The following DLG2 variants were observed in gnomAD, a reference collection of about 807,000 sequenced individuals.
The protein encoded by DLG2 is discs large MAGUK scaffold protein 2.
Under a neutral mutation model 132.5 loss-of-function variants are expected in DLG2, and 45 were observed. That is an observed-to-expected ratio of 0.34 (90% CI 0.27 to 0.44). DLG2 has a LOEUF of 0.44. DLG2 is among the 20% of genes least tolerant of loss of function. The pLI, the probability that DLG2 is intolerant of heterozygous loss-of-function variation, is 1.00. For synonymous variants in DLG2, 424 were observed against 419.6 expected (o/e 1.01, Z -0.13); for missense variants, 1,045 against 1,196.9 (o/e 0.87, Z 1.87).
chr11:85,497,024 C>T (rs998883343), intron 3 of DLG2, among the ~76,000 whole-genome samples: 20 of 151,944 alleles, frequency 1.3e-4, no homozygotes, highest in Admixed American at 1.2e-3. Flanking sequence ...CTCTTCTCCT[C>T]CAAAGGAAAA....
At chr11:85,418,779 G>A (rs1597151375) in intron 3 of DLG2, among the ~76,000 whole-genome samples, 1 of 151,992 alleles carries the variant, frequency 6.6e-6, no homozygotes, top group East Asian at 1.9e-4. Flanking sequence ...CTTTCCATTT[G>A]CCTAGTAAAT....
At chr11:83,560,129 T>C (rs1227180627) in intron 19 of DLG2, among the ~76,000 whole-genome samples, 5 of 151,914 alleles carry the variant, frequency 3.3e-5, no homozygotes, top group Non-Finnish European at 7.4e-5. Flanking sequence ...TTTTTTTTTT[T>C]TTCTTCTTGA....
At chr11:83,874,374 T>C in intron 16 of DLG2, 46 bp downstream of exon 16, 1 of 1,359,682 alleles carries the variant, frequency 7.4e-7, no homozygotes, top group South Asian at 1.6e-5. Context: ...GAAGACTTCA[T>C]ATTCCAAGGC....
chr11:83,598,829 C>G (rs142366117), intron 19 of DLG2, among the ~76,000 whole-genome samples: 1 of 152,302 alleles, frequency 6.6e-6, no homozygotes, highest in East Asian at 1.9e-4. Context: ...GACTATCATT[C>G]AACATGTCAT....
At chr11:84,502,933 G>A (rs1240766818) in intron 7 of DLG2, among the ~76,000 whole-genome samples, 9 of 152,188 alleles carry the variant, frequency 5.9e-5, no homozygotes, top group Admixed American at 5.9e-4. Flanking sequence ...ACATGGAGAA[G>A]AAGGTCAGGG....
chr11:84,134,807 T>C (rs1039688897), intron 9 of DLG2, among the ~76,000 whole-genome samples: 5 of 151,894 alleles, frequency 3.3e-5, no homozygotes, highest in Non-Finnish European at 5.9e-5. Context: ...TCCTGATACT[T>C]CTACAACGGA....
At chr11:84,391,991 C>A (rs369888367) in intron 7 of DLG2, among the ~76,000 whole-genome samples, 79 of 152,282 alleles carry the variant, frequency 5.2e-4, no homozygotes, top group African/African-American at 1.8e-3. Context: ...GTCATCCTCT[C>A]TGAATCTCAG....
intron 19 of DLG2, chr11:83,632,096 T>A (rs1290087899): frequency 6.6e-6 from 1 of 152,202 alleles, no homozygotes; most frequent in East Asian, 1.9e-4. Flanking sequence ...TTCCCTGGAA[T>A]AAGAAGGGAC....
At chr11:83,610,537 AC>A (rs1323067698) in intron 19 of DLG2, among the ~76,000 whole-genome samples, 1 of 116,618 alleles carries the variant, frequency 8.6e-6, no homozygotes, top group Non-Finnish European at 1.8e-5. Context: ...ATAGCAACCA[AC>A]TATCGAACAG....
chr11:85,225,349 C>T (rs984710057), intron 4 of DLG2, among the ~76,000 whole-genome samples: 2 of 152,066 alleles, frequency 1.3e-5, no homozygotes, highest in African/African-American at 4.8e-5. Flanking sequence ...CTCATCTCTC[C>T]GCAGATGACC....
rs2056988122 is a variant in DLG2 at position 83,839,232 on chromosome 11, C to T, written c.1566-5462G>A. Among the ~76,000 whole-genome samples, 3 of 152,082 alleles carry T rather than the reference C, an allele frequency of 2.0e-5. No individual in the cohort carries two copies. The South Asian group carries it at 6.2e-4, about 32-fold the overall frequency. ...TATATTATTTGGAATTTTTGAAACT[C>T]AGAAGATTTAAATGCCTTTTTTAAA... On this transcript the variant is annotated intron_variant, in intron 16 of 27. Coordinates refer to ENST00000376104, the MANE Select transcript of DLG2 (RefSeq NM_001142699.3).
At chr11:83,962,297 A>T (rs1247871328) in intron 14 of DLG2, among the ~76,000 whole-genome samples, 1 of 152,018 alleles carries the variant, frequency 6.6e-6, no homozygotes, top group Non-Finnish European at 1.5e-5. Context: ...CTGAAAATAC[A>T]TTTGTATATG....
chr11:84,963,197 T>C (rs1001262397), intron 6 of DLG2, among the ~76,000 whole-genome samples: 9 of 152,196 alleles, frequency 5.9e-5, no homozygotes, highest in African/African-American at 2.2e-4. Context: ...GCTGACATAA[T>C]GTACCGCTGA....
intron 6 of DLG2, among the ~76,000 whole-genome samples, chr11:84,989,127 C>G (rs1350012629): frequency 6.6e-6 from 1 of 152,114 alleles, no homozygotes; most frequent in African/African-American, 2.4e-5. Context: ...TATAACAAAA[C>G]ATATACAGGA....
intron 7 of DLG2, among the ~76,000 whole-genome samples, chr11:84,510,814 TTTTGTTTG>T (rs150351695): frequency 0.014 from 2,116 of 151,656 alleles, 61 homozygotes; most frequent in African/African-American, 0.048. Flanking sequence ...GATAACTGTT[TTTTGTTTG>T]TTTGTTTGTT....
At chr11:84,965,324 T>A (rs758489952) in intron 6 of DLG2, among the ~76,000 whole-genome samples, 10 of 152,016 alleles carry the variant, frequency 6.6e-5, no homozygotes, top group Admixed American at 5.3e-4. Context: ...AAAAAAATTA[T>A]GATATCAAAT....
intron 18 of DLG2, among the ~76,000 whole-genome samples, chr11:83,688,015 GAA>G (rs796734283): frequency 2.0e-5 from 2 of 98,192 alleles, no homozygotes; most frequent in Non-Finnish European, 4.4e-5. Context: ...TGTCTCAAAA[GAA>G]AAAAAAAAAA....
chr11:83,474,988 A>G (rs898696618), intron 22 of DLG2, among the ~76,000 whole-genome samples: 5 of 152,128 alleles, frequency 3.3e-5, no homozygotes, highest in African/African-American at 9.7e-5. Flanking sequence ...ATCTCTGTCT[A>G]TCCATCACTT....
intron 6 of DLG2, among the ~76,000 whole-genome samples, chr11:84,841,418 A>G (rs2080672206): frequency 6.6e-6 from 1 of 152,000 alleles, no homozygotes; most frequent in Non-Finnish European, 1.5e-5. Flanking sequence ...GCAATATTGG[A>G]TAATTTAAAA....
Sources: gnomAD v4.1 joint callset for allele counts (sites outside exome capture counted in the v4.1 genomes callset) on GRCh38, gnomAD v4.1.1 for gene constraint, MANE v1.5 for transcripts, NCBI Gene and HGNC (gene_info 2026-07-23, HGNC 2026-07-21) for gene names.